Variants in FIP1L1 observed in about 807,000 individuals in gnomAD.
FIP1L1 encodes the protein pre-mRNA 3'-end-processing factor FIP1.
A neutral mutation model predicts 84.6 loss-of-function variants in FIP1L1; 21 were observed. That is an observed-to-expected ratio of 0.25 (90% CI 0.18 to 0.36). The LOEUF (loss-of-function observed/expected upper bound fraction) is 0.36, where lower values mean the gene tolerates loss of function less well. FIP1L1 is among the 10% of genes least tolerant of loss of function. FIP1L1 has a pLI of 1.00. For missense variants in FIP1L1, 526 were observed against 751.1 expected (o/e 0.70, Z 3.50); for synonymous variants, 263 against 242.3 (o/e 1.09, Z -0.80).
rs1721443439 is a variant in FIP1L1 at position 53,459,763 on chromosome 4, G to T, written c.*314G>T. 3.0e-6 allele frequency: 1 copy of T among 336,050 alleles called. No individual in the cohort carries two copies. The allele number at this position is 336,050 out of a possible 1,614,324, so 20.8% of individuals were successfully genotyped here. A position where few individuals can be genotyped will look rare whatever the true frequency, so the allele number is the denominator to read the frequency against. On this transcript the variant is annotated 3_prime_UTR_variant, in exon 18 of 18. Transcript: ENST00000337488. ...CACAGATTATCTGAGAAAAGGTCAA[G>T]GGTTCCACTTGGGCCACAGTTTTTT...
chr4:53,454,151 A>G (rs535123116), intron 16 of FIP1L1, among the ~76,000 whole-genome samples: 2 of 152,170 alleles, frequency 1.3e-5, no homozygotes, highest in Non-Finnish European at 2.9e-5. Flanking sequence ...GTCAGTGCAA[A>G]CCACATGTAC....
chr4:53,423,964 G>GA (rs1381340315), intron 11 of FIP1L1, among the ~76,000 whole-genome samples: 1 of 152,088 alleles, frequency 6.6e-6, no homozygotes, highest in East Asian at 1.9e-4. Flanking sequence ...ACAGGCTATA[G>GA]AAAATTTTCC....
intron 9 of FIP1L1, among the ~76,000 whole-genome samples, chr4:53,392,665 A>G (rs1397226246): frequency 6.6e-6 from 1 of 152,244 alleles, no homozygotes; most frequent in Non-Finnish European, 1.5e-5. Flanking sequence ...GAGAACTGCC[A>G]TCATAAACTG....
intron 9 of FIP1L1, among the ~76,000 whole-genome samples, chr4:53,397,447 G>T (rs1747996095): frequency 6.6e-6 from 1 of 152,176 alleles, no homozygotes; most frequent in Admixed American, 6.5e-5. Flanking sequence ...TGGTACTCAT[G>T]AATGGAGTGG....
At chr4:53,446,529 A>G (rs1461170872) in intron 15 of FIP1L1, among the ~76,000 whole-genome samples, 3 of 152,178 alleles carry the variant, frequency 2.0e-5, no homozygotes, top group Admixed American at 1.3e-4. Context: ...TCCTGGGTTC[A>G]TCTCATGTTA....
chr4:53,396,943 A>G (rs1438097599), intron 9 of FIP1L1, among the ~76,000 whole-genome samples: 1 of 152,202 alleles, frequency 6.6e-6, no homozygotes, highest in Non-Finnish European at 1.5e-5. Flanking sequence ...ATTGAAGCAT[A>G]CACAGACTTA....
At chr4:53,451,737 CT>C (rs1716107595) in intron 15 of FIP1L1, among the ~76,000 whole-genome samples, 1 of 151,424 alleles carries the variant, frequency 6.6e-6, no homozygotes, top group South Asian at 2.1e-4. Flanking sequence ...TAGTTTTCTT[CT>C]TTTTTAAAAA....
intron 11 of FIP1L1, among the ~76,000 whole-genome samples, chr4:53,419,391 C>T (rs575745203): frequency 1.3e-5 from 2 of 152,268 alleles, no homozygotes; most frequent in Admixed American, 1.3e-4. Context: ...CTTTACAATG[C>T]AAAAGAGCCT....
At chr4:53,419,029 T>A (rs148288023) in intron 11 of FIP1L1, among the ~76,000 whole-genome samples, 1,640 of 152,082 alleles carry the variant, frequency 0.011, 21 homozygotes, top group Non-Finnish European at 0.015. Context: ...GCCTTTGGGG[T>A]TTTTTGTTTG....
At chr4:53,389,353 T>A (rs2149362498) in intron 5 of FIP1L1, among the ~76,000 whole-genome samples, 1 of 152,302 alleles carries the variant, frequency 6.6e-6, no homozygotes, top group Non-Finnish European at 1.5e-5. Context: ...AGACAAGGGG[T>A]GTAAACTATT....
At chr4:53,458,509 G>T in intron 16 of FIP1L1, 144 bp from the exon 17 acceptor site, 2 of 646,916 alleles carry the variant, frequency 3.1e-6, no homozygotes, top group South Asian at 4.1e-5. Context: ...TCAATTCAAC[G>T]AATATTTCTT....
At chr4:53,447,388 A>G (rs193209684) in intron 15 of FIP1L1, among the ~76,000 whole-genome samples, 1 of 152,262 alleles carries the variant, frequency 6.6e-6, no homozygotes, top group Admixed American at 6.5e-5. Flanking sequence ...TACTGTGGTA[A>G]AATGAGAATA....
At chr4:53,412,906 T>C (rs1296080002) in intron 10 of FIP1L1, among the ~76,000 whole-genome samples, 1 of 152,140 alleles carries the variant, frequency 6.6e-6, no homozygotes, top group Admixed American at 6.5e-5. Context: ...GTAACTCTTA[T>C]TTCTCTTAAC....
At chr4:53,393,236 A>G (rs1031554101) in intron 9 of FIP1L1, among the ~76,000 whole-genome samples, 17 of 152,342 alleles carry the variant, frequency 1.1e-4, no homozygotes, top group African/African-American at 3.8e-4. Context: ...CTGTTGCCAT[A>G]CTATGGGACT....
At chr4:53,385,887 A>G (rs958082916) in intron 5 of FIP1L1, among the ~76,000 whole-genome samples, 3 of 152,210 alleles carry the variant, frequency 2.0e-5, no homozygotes, top group African/African-American at 7.2e-5. Flanking sequence ...CTATATTTCA[A>G]GGTATATCCC....
At position 53,379,802 on chromosome 4, in the gene FIP1L1, G is replaced by A. The variant is rs116630409; in HGVS notation, c.170+538G>A. ...GTGTTCATTTATAGAACATATACAG[G>A]GAGTCAGAATTTTACCCCAGATTTC... On this transcript the variant is annotated intron_variant, in intron 3 of 17. Coordinates refer to ENST00000337488, the MANE Select transcript of FIP1L1 (RefSeq NM_030917.4). Among the ~76,000 whole-genome samples, 1,340 of 152,188 alleles carry A rather than the reference G, an allele frequency of 8.8e-3. 22 individuals carry two copies. Among genetic ancestry groups the A allele is most frequent in the African/African-American group, 0.03 (1,264 of 41,498 alleles).
chr4:53,427,303 C>G (rs1177838985), intron 12 of FIP1L1, among the ~76,000 whole-genome samples: 2 of 152,164 alleles, frequency 1.3e-5, no homozygotes, highest in African/African-American at 2.4e-5. Context: ...TTTATTTACA[C>G]ATCCTTGGGG....
chr4:53,403,444 C>T (rs999249531), intron 10 of FIP1L1, among the ~76,000 whole-genome samples: 1 of 152,188 alleles, frequency 6.6e-6, no homozygotes, highest in Non-Finnish European at 1.5e-5. Context: ...GGCTCAAACA[C>T]ATCTTTATTA....
intron 11 of FIP1L1, among the ~76,000 whole-genome samples, chr4:53,418,142 A>T (rs1479022236): frequency 6.6e-6 from 1 of 151,614 alleles, no homozygotes; most frequent in African/African-American, 2.4e-5. Context: ...TACAAAAATT[A>T]ATTGGGCATG....
Sources: gnomAD v4.1 joint callset for allele counts (sites outside exome capture counted in the v4.1 genomes callset) on GRCh38, gnomAD v4.1.1 for gene constraint, MANE v1.5 for transcripts, NCBI Gene and HGNC (gene_info 2026-07-23, HGNC 2026-07-21) for gene names.